DNM3: variants seen among roughly 807,000 people sequenced by gnomAD.
The protein encoded by DNM3 is dynamin 3.
DNM3 carries 47 observed loss-of-function variants against 101.6 expected under a neutral mutation model. The ratio of observed to expected loss-of-function variants is 0.46; its 90% confidence interval spans 0.37 to 0.59. The LOEUF (loss-of-function observed/expected upper bound fraction) is 0.59. Ranked by LOEUF, DNM3 falls within the 20% of genes least tolerant of loss-of-function variation. The pLI, the probability that DNM3 is intolerant of heterozygous loss-of-function variation, is 0.00. For synonymous variants in DNM3, 385 were observed against 387.9 expected, an observed-to-expected ratio of 0.99 and a Z score of 0.09; for missense variants, 849 against 1,085.7, an observed-to-expected ratio of 0.78 and a Z score of 3.06.
intron 14 of DNM3, among the ~76,000 whole-genome samples, chr1:172,165,910 T>C (rs541020750): frequency 6.5e-4 from 99 of 152,186 alleles, no homozygotes; most frequent in Non-Finnish European, 5.0e-4. Context: ...CACAAACTTT[T>C]ATCAATTATC....
chr1:172,334,089 T>C (rs965346720), intron 17 of DNM3, among the ~76,000 whole-genome samples: 1 of 152,210 alleles, frequency 6.6e-6, no homozygotes, highest in Non-Finnish European at 1.5e-5. Context: ...GAAATAGTTC[T>C]GTCACCACAA....
chr1:172,349,082 G>A (rs1253058845), intron 17 of DNM3, among the ~76,000 whole-genome samples: 2 of 152,124 alleles, frequency 1.3e-5, no homozygotes, highest in Non-Finnish European at 2.9e-5. Flanking sequence ...TCAGAGACAT[G>A]TCCAGGAATA....
intron 13 of DNM3, among the ~76,000 whole-genome samples, chr1:172,105,611 A>G (rs2054956123): frequency 6.6e-6 from 1 of 152,164 alleles, no homozygotes; most frequent in Admixed American, 6.5e-5. Context: ...CTTTCAATTG[A>G]AGATTAAAAT....
chr1:172,327,673 C>T (rs2065993885), intron 17 of DNM3, among the ~76,000 whole-genome samples: 1 of 152,094 alleles, frequency 6.6e-6, no homozygotes. Flanking sequence ...TGTGTGCTTT[C>T]CCTGATTTTC....
At chr1:172,368,627 G>T (rs147752245) in intron 17 of DNM3, among the ~76,000 whole-genome samples, 1 of 151,504 alleles carries the variant, frequency 6.6e-6, no homozygotes, top group Admixed American at 6.6e-5. Context: ...AAAGATCAGC[G>T]CAGAAACAGA....
chr1:172,352,082 G>A (rs906448550), intron 17 of DNM3, among the ~76,000 whole-genome samples: 2 of 152,172 alleles, frequency 1.3e-5, no homozygotes, highest in South Asian at 4.1e-4. Flanking sequence ...TCAGAGTACA[G>A]CTGTGTGTGT....
At chr1:171,991,576 C>A (rs975350413) in intron 4 of DNM3, among the ~76,000 whole-genome samples, 1 of 152,150 alleles carries the variant, frequency 6.6e-6, no homozygotes, top group African/African-American at 2.4e-5. Flanking sequence ...TCCAGCTATC[C>A]AGAAGCTCTC....
intron 14 of DNM3, among the ~76,000 whole-genome samples, chr1:172,214,707 A>G (rs577032349): frequency 6.6e-6 from 1 of 152,208 alleles, no homozygotes; most frequent in Non-Finnish European, 1.5e-5. Flanking sequence ...TAAATTTAAA[A>G]GTAAATGCAT....
At chr1:172,365,131 T>C (rs1312244647) in intron 17 of DNM3, among the ~76,000 whole-genome samples, 1 of 151,894 alleles carries the variant, frequency 6.6e-6, no homozygotes, top group Non-Finnish European at 1.5e-5. Context: ...TGGGGAAGTG[T>C]AATATGAATA....
intron 13 of DNM3, among the ~76,000 whole-genome samples, chr1:172,125,959 T>C (rs1302268014): frequency 6.6e-6 from 1 of 152,220 alleles, no homozygotes; most frequent in East Asian, 1.9e-4. Context: ...TCCCACTTAC[T>C]TTCCTTTTTC....
At chr1:172,364,931 C>A (rs564535730) in intron 17 of DNM3, among the ~76,000 whole-genome samples, 2 of 151,990 alleles carry the variant, frequency 1.3e-5, no homozygotes, top group African/African-American at 4.8e-5. Flanking sequence ...AGAAGCCAGG[C>A]AGATGCTAGT....
chr1:172,002,784 G>A (rs895861742), intron 4 of DNM3, among the ~76,000 whole-genome samples: 1 of 152,036 alleles, frequency 6.6e-6, no homozygotes, highest in African/African-American at 2.4e-5. Context: ...ATGTGTGAGT[G>A]TAAAATTTGG....
At chr1:171,923,793 G>T (rs950453888) in intron 2 of DNM3, among the ~76,000 whole-genome samples, 1 of 152,004 alleles carries the variant, frequency 6.6e-6, no homozygotes, top group Non-Finnish European at 1.5e-5. Flanking sequence ...AATAGTAAAC[G>T]CAGTCCCCAA....
chr1:172,271,297 C>A (rs2063074723), intron 15 of DNM3, among the ~76,000 whole-genome samples: 1 of 151,920 alleles, frequency 6.6e-6, no homozygotes, highest in Admixed American at 6.6e-5. Context: ...CAGCACACCA[C>A]CAATTATATT....
intron 17 of DNM3, among the ~76,000 whole-genome samples, chr1:172,331,817 T>C (rs1386338730): frequency 6.6e-6 from 1 of 151,970 alleles, no homozygotes; most frequent in Non-Finnish European, 1.5e-5. Flanking sequence ...GTTTGATGAG[T>C]TCTTACAAAT....
At chr1:172,174,735 C>T (rs1291454020) in intron 14 of DNM3, among the ~76,000 whole-genome samples, 1 of 151,584 alleles carries the variant, frequency 6.6e-6, no homozygotes, top group Admixed American at 6.6e-5. Flanking sequence ...ATGTAGACTG[C>T]AAGTAGATCA....
At chr1:171,991,344 C>A in intron 4 of DNM3, among the ~76,000 whole-genome samples, 1 of 152,160 alleles carries the variant, frequency 6.6e-6, no homozygotes, top group East Asian at 1.9e-4. Context: ...GGTTGTTTAC[C>A]CTGTGCTCTG....
At chr1:171,993,352 A>G (rs1010087719) in intron 4 of DNM3, among the ~76,000 whole-genome samples, 6 of 151,960 alleles carry the variant, frequency 3.9e-5, no homozygotes, top group Admixed American at 2.0e-4. Flanking sequence ...ATTTTGAAGG[A>G]TAATTTTTAC....
chr1:172,055,127 GC>G (rs1400980019), intron 10 of DNM3, among the ~76,000 whole-genome samples: 3 of 152,002 alleles, frequency 2.0e-5, no homozygotes, highest in African/African-American at 7.2e-5. Flanking sequence ...GGCTTACAAG[GC>G]CCTAGACAAT....
Sources: allele counts gnomAD v4.1 joint callset (sites outside exome capture counted in the v4.1 genomes callset), GRCh38; gene constraint gnomAD v4.1.1; transcripts MANE v1.5; gene names NCBI Gene and HGNC (gene_info 2026-07-23, HGNC 2026-07-21).